MGAT5: variants seen among roughly 807,000 people sequenced by gnomAD.
The protein encoded by MGAT5 is alpha-1,6-mannosylglycoprotein 6-beta-N-acetylglucosaminyltransferase A.
In MGAT5, 30 loss-of-function variants were observed where a neutral mutation model predicts 94.3. That is an observed-to-expected ratio of 0.32 (90% confidence interval 0.24 to 0.43). MGAT5 has a LOEUF of 0.43. MGAT5 is among the 20% of genes least tolerant of loss of function. The pLI, the probability that MGAT5 is intolerant of heterozygous loss-of-function variation, is 1.00. For missense variants in MGAT5, 691 were observed against 905.5 expected, an observed-to-expected ratio of 0.76 and a Z score of 3.04; for synonymous variants, 310 against 322.9, an observed-to-expected ratio of 0.96 and a Z score of 0.43.
chr2:134,233,953 A>T (rs553331872), intron 1 of MGAT5, among the ~76,000 whole-genome samples: 1 of 152,326 alleles, frequency 6.6e-6, no homozygotes, highest in South Asian at 2.1e-4. Context: ...CTAAGAGAGG[A>T]TTGCAAAGGC....
Position 134,341,796 on chromosome 2 carries a change from CA to C in MGAT5, c.977+43del, listed in dbSNP as rs749021824. ...ACTTTTCAATTTTAAAATCAGAATA[CA>C]AAAAAGAAATTGTAAACTCTTAAAG... On this transcript the variant is annotated intron_variant, in intron 7 of 15. Transcript: ENST00000281923. 6 of 1,553,444 alleles carry C rather than the reference CA, an allele frequency of 3.9e-6. No individual in the cohort carries two copies. The Admixed American group carries it at 8.3e-5, about 21-fold the overall frequency.
intron 1 of MGAT5, among the ~76,000 whole-genome samples, chr2:134,153,120 A>G (rs1687305977): frequency 6.6e-6 from 1 of 151,954 alleles, no homozygotes; most frequent in Non-Finnish European, 1.5e-5. Context: ...GGCTTTCACC[A>G]TATTGGTCAG....
At chr2:134,293,635 AT>A (rs2105786357) in intron 2 of MGAT5, among the ~76,000 whole-genome samples, 1 of 151,982 alleles carries the variant, frequency 6.6e-6, no homozygotes, top group Non-Finnish European at 1.5e-5. Context: ...TGCCTGGCTA[AT>A]TTTTTGTATT....
intron 1 of MGAT5, among the ~76,000 whole-genome samples, chr2:134,187,665 A>G (rs1225190686): frequency 2.0e-5 from 3 of 152,216 alleles, no homozygotes; most frequent in Non-Finnish European, 2.9e-5. Context: ...GACTTTGTCA[A>G]CTTTGTTGCT....
At chr2:134,198,370 A>G (rs1679601929) in intron 1 of MGAT5, among the ~76,000 whole-genome samples, 1 of 152,192 alleles carries the variant, frequency 6.6e-6, no homozygotes, top group Admixed American at 6.5e-5. Context: ...TGTTCTTCAG[A>G]CTAGCAAGCA....
intron 1 of MGAT5, among the ~76,000 whole-genome samples, chr2:134,263,954 A>G (rs559454136): frequency 2.7e-5 from 4 of 150,154 alleles, no homozygotes; most frequent in Non-Finnish European, 5.9e-5. Flanking sequence ...GTATATGTGT[A>G]TATATGTACA....
At chr2:134,428,619 T>C (rs1388089146) in intron 14 of MGAT5, among the ~76,000 whole-genome samples, 180 bp downstream of exon 14, 1 of 152,124 alleles carries the variant, frequency 6.6e-6, no homozygotes, top group East Asian at 1.9e-4. Flanking sequence ...AGTATTCCCT[T>C]GGAGTAGGTA....
At chr2:134,376,366 A>G (rs1013613883) in intron 10 of MGAT5, among the ~76,000 whole-genome samples, 1 of 152,002 alleles carries the variant, frequency 6.6e-6, no homozygotes, top group African/African-American at 2.4e-5. Flanking sequence ...CCGTTTTTAA[A>G]ATGGATATCA....
chr2:134,266,772 T>A (rs1332378860), intron 1 of MGAT5, among the ~76,000 whole-genome samples: 2 of 152,082 alleles, frequency 1.3e-5, no homozygotes, highest in Non-Finnish European at 2.9e-5. Flanking sequence ...ATTAACAACA[T>A]CCTTAATCTT....
chr2:134,434,823 G>A (rs984699304), intron 14 of MGAT5, among the ~76,000 whole-genome samples: 4 of 152,150 alleles, frequency 2.6e-5, no homozygotes, highest in Non-Finnish European at 4.4e-5. Context: ...CATACTGTTC[G>A]GTAATTTTTT....
chr2:134,413,809 T>TG (rs1683808335), intron 12 of MGAT5, among the ~76,000 whole-genome samples: 1 of 152,200 alleles, frequency 6.6e-6, no homozygotes, highest in South Asian at 2.1e-4. Flanking sequence ...GGCCTTTGGC[T>TG]GGGGGATTAC....
Position 134,151,252 on chromosome 2 carries a change from G to A in MGAT5, c.-143+30961G>A, listed in dbSNP as rs62165681. ...ACCTCACTCACGCCCTATGGGAGCC[G>A]CCCACTGCCATGGGACCTCACTCAC... On this transcript the variant is annotated intron_variant, in intron 1 of 16. Coordinates refer to the MGAT5 transcript ENST00000409645. Among the ~76,000 whole-genome samples the A allele has an allele frequency of 1.9e-4, 21 of 109,794 alleles. 2 individuals are homozygous for A. Among genetic ancestry groups the A allele is most frequent in the African/African-American group, 6.5e-4 (16 of 24,614 alleles). The allele number at this position is 109,794 out of a possible 152,430, so 72.0% of individuals were successfully genotyped here.
intron 1 of MGAT5, among the ~76,000 whole-genome samples, chr2:134,127,613 C>T (rs558551350): frequency 2.6e-5 from 4 of 151,228 alleles, no homozygotes; most frequent in Admixed American, 6.6e-5. Flanking sequence ...CCAGGCCTGG[C>T]GTGCTGGAGT....
chr2:134,144,544 A>G (rs1259077539), intron 1 of MGAT5, among the ~76,000 whole-genome samples: 1 of 152,192 alleles, frequency 6.6e-6, no homozygotes, highest in Non-Finnish European at 1.5e-5. Context: ...TCAGGCAGGA[A>G]CACAGATCCA....
rs1189638271 is a variant in MGAT5 at position 134,408,789 on chromosome 2, T to A, written c.1531-4080T>A. 3.9e-5 allele frequency among the ~76,000 whole-genome samples: 6 copies of A among 152,190 alleles called. No individual in the cohort carries two copies. The East Asian group carries it at 1.2e-3, about 29-fold the overall frequency. ...TGAAAGCATCACATTTTGGAAAAATTGTTTTCTTCATACCCAGCCCCTTGT... is the reference window on the plus strand; with the variant it reads ...TGAAAGCATCACATTTTGGAAAAATAGTTTTCTTCATACCCAGCCCCTTGT... On this transcript the variant is annotated intron_variant, in intron 11 of 15. Transcript: ENST00000281923.
chr2:134,122,344 T>G (rs548198750), intron 1 of MGAT5, among the ~76,000 whole-genome samples: 1 of 152,308 alleles, frequency 6.6e-6, no homozygotes, highest in Admixed American at 6.5e-5. Flanking sequence ...CCTCCGGTGA[T>G]CCAGCTGCCT....
At chr2:134,270,818 G>T (rs969469154) in intron 2 of MGAT5, among the ~76,000 whole-genome samples, 3 of 152,216 alleles carry the variant, frequency 2.0e-5, no homozygotes, top group Admixed American at 2.0e-4. Flanking sequence ...GTAAAGAGAA[G>T]ATTCATGGCA....
intron 8 of MGAT5, among the ~76,000 whole-genome samples, chr2:134,348,420 C>T (rs921397403): frequency 5.9e-5 from 9 of 152,204 alleles, no homozygotes; most frequent in Non-Finnish European, 1.2e-4. Flanking sequence ...GCCTGCCTGC[C>T]TTTCTTTTCT....
intron 14 of MGAT5, among the ~76,000 whole-genome samples, chr2:134,430,699 C>T (rs1305911743): frequency 6.7e-6 from 1 of 149,506 alleles, no homozygotes; most frequent in African/African-American, 2.5e-5. Context: ...CTGCAGAGAT[C>T]TGCAGTTCAC....
Sources: allele counts gnomAD v4.1 joint callset (sites outside exome capture counted in the v4.1 genomes callset), GRCh38; gene constraint gnomAD v4.1.1; transcripts MANE v1.5; gene names NCBI Gene and HGNC (gene_info 2026-07-23, HGNC 2026-07-21).